The following PTPRD variants were observed in gnomAD, a reference collection of about 807,000 sequenced individuals.
The protein encoded by PTPRD is receptor-type tyrosine-protein phosphatase delta.
In PTPRD, 34 loss-of-function variants were observed where a neutral mutation model predicts 214.5. The ratio of observed to expected loss-of-function variants is 0.16; its 90% CI spans 0.12 to 0.21. The LOEUF is 0.21. PTPRD is among the 10% of genes least tolerant of loss of function. The probability of loss-of-function intolerance (pLI) is 1.00; values close to 1 mark genes in which losing one functional copy is unlikely to be tolerated. For missense variants in PTPRD, 2,545 were observed against 2,398.7 expected (o/e 1.06, Z -1.27); for synonymous variants, 1,128 against 845.7 (o/e 1.33, Z -5.79).
chr9:10,149,723 C>A (rs2099047691), intron 3 of PTPRD, among the ~76,000 whole-genome samples: 1 of 148,814 alleles, frequency 6.7e-6, no homozygotes, highest in Non-Finnish European at 1.5e-5. Flanking sequence ...AATACCTTGT[C>A]TTTTTTTTTC....
chr9:9,624,792 T>C (rs1454740466), intron 7 of PTPRD, among the ~76,000 whole-genome samples: 1 of 150,674 alleles, frequency 6.6e-6, no homozygotes, highest in Non-Finnish European at 1.5e-5. Flanking sequence ...CATGTTTCTT[T>C]AGGTTAAGTT....
intron 9 of PTPRD, among the ~76,000 whole-genome samples, chr9:9,213,516 T>TTTTG (rs77772280): frequency 0.32 from 49,166 of 151,588 alleles, 9,154 homozygotes; most frequent in Middle Eastern, 0.47. Flanking sequence ...TTTCCTGGTT[T>TTTTG]TTTGTTTGTT....
At chr9:9,833,017 A>G (rs1458856397) in intron 5 of PTPRD, among the ~76,000 whole-genome samples, 2 of 151,966 alleles carry the variant, frequency 1.3e-5, no homozygotes, top group African/African-American at 4.8e-5. Flanking sequence ...AAGATGCTTT[A>G]CTGGAGCCAA....
At chr9:10,388,909 T>C (rs565913788) in intron 2 of PTPRD, among the ~76,000 whole-genome samples, 2 of 151,976 alleles carry the variant, frequency 1.3e-5, no homozygotes, top group African/African-American at 2.4e-5. Context: ...GTAAGTATTA[T>C]CCATAGGAAA....
At chr9:9,728,449 C>T (rs1320576198) in intron 7 of PTPRD, among the ~76,000 whole-genome samples, 1 of 152,052 alleles carries the variant, frequency 6.6e-6, no homozygotes, top group Non-Finnish European at 1.5e-5. Flanking sequence ...AACTAATTAG[C>T]TGTTGTAGAA....
In PTPRD at chr9:9,485,217, A is replaced by C. The variant is rs926744196; in HGVS notation, c.-236-87735T>G. Among the ~76,000 whole-genome samples the C allele has an allele frequency of 6.6e-5, 10 of 152,310 alleles. No individual in the cohort carries two copies. The East Asian group carries it at 1.9e-3, about 29-fold the overall frequency. ...TGAAAACAACTATTATGGGTAAAAA[A>C]ATTGAAGCATAATCCACTAATTCTA... On this transcript the variant is annotated intron_variant, in intron 8 of 45. Transcript: ENST00000381196.
intron 9 of PTPRD, among the ~76,000 whole-genome samples, chr9:9,228,953 G>A (rs1220921113): frequency 6.6e-6 from 1 of 152,038 alleles, no homozygotes; most frequent in Non-Finnish European, 1.5e-5. Context: ...TGTTTTTACA[G>A]GGAGAGCACA....
chr9:8,859,455 T>A (rs2098048387), intron 11 of PTPRD, among the ~76,000 whole-genome samples: 1 of 152,168 alleles, frequency 6.6e-6, no homozygotes, highest in Non-Finnish European at 1.5e-5. Context: ...CCATCAAAAT[T>A]TATTAGAAAC....
At chr9:9,318,808 G>A (rs1964824772) in intron 9 of PTPRD, among the ~76,000 whole-genome samples, 1 of 152,102 alleles carries the variant, frequency 6.6e-6, no homozygotes, top group South Asian at 2.1e-4. Context: ...GAAGTTCACA[G>A]TGGAGGTGAG....
intron 3 of PTPRD, among the ~76,000 whole-genome samples, chr9:10,198,413 G>C (rs1332946227): frequency 2.0e-5 from 3 of 152,056 alleles, no homozygotes. Flanking sequence ...TACAACCATT[G>C]GCCAAGTATG....
At position 9,524,481 on chromosome 9, in the gene PTPRD, T is replaced by C. The variant is rs530926688; in HGVS notation, c.-237+50251A>G. ...TTTTCTAATCCGTACGTTCGTGTAC[T>C]CTATCATTTAAACTGTAGAAAAGTC... On this transcript the variant is annotated intron_variant, in intron 8 of 45. Transcript: ENST00000381196. Among the ~76,000 whole-genome samples, 3 of 152,344 alleles carry C rather than the reference T, an allele frequency of 2.0e-5. No individual in the cohort carries two copies. In the South Asian group the frequency reaches 6.2e-4, roughly 32 times the overall value.
At chr9:9,109,241 C>T (rs193061153) in intron 10 of PTPRD, among the ~76,000 whole-genome samples, 12 of 152,208 alleles carry the variant, frequency 7.9e-5, no homozygotes, top group African/African-American at 2.6e-4. Flanking sequence ...CTATCTATAT[C>T]TATGTAGAGA....
chr9:9,889,260 G>A lies in PTPRD; in HGVS notation c.-368+49247C>T, dbSNP rs74782895. Among the ~76,000 whole-genome samples the A allele has an allele frequency of 5.0e-3, 758 of 152,208 alleles. 8 individuals are homozygous for A. Among genetic ancestry groups the A allele is most frequent in the African/African-American group, 0.017 (720 of 41,536 alleles). The stretch of plus-strand genomic sequence containing the variant: ...TTCTTGAAAAATGCTGACAGTGGAC[G>A]TCAAGCATCCTCACCACAAAAATGG... On this transcript the variant is annotated intron_variant, in intron 5 of 45. Coordinates refer to ENST00000381196, the MANE Select transcript of PTPRD (RefSeq NM_002839.4).
chr9:10,146,446 GA>G (rs1308605804), intron 3 of PTPRD, among the ~76,000 whole-genome samples: 1 of 152,016 alleles, frequency 6.6e-6, no homozygotes. Context: ...AATTTCAGAT[GA>G]TGATATTTAC....
chr9:8,745,135 AG>A (rs1371792057), intron 11 of PTPRD, among the ~76,000 whole-genome samples: 1 of 152,224 alleles, frequency 6.6e-6, no homozygotes, highest in African/African-American at 2.4e-5. Flanking sequence ...AAAAATCAGA[AG>A]AAAAAAATAA....
At chr9:9,050,537 G>A (rs1388100827) in intron 10 of PTPRD, among the ~76,000 whole-genome samples, 6 of 152,112 alleles carry the variant, frequency 3.9e-5, no homozygotes, top group African/African-American at 1.4e-4. Context: ...TGTGTTAGCT[G>A]AAGTCACCTG....
intron 11 of PTPRD, among the ~76,000 whole-genome samples, chr9:8,886,923 G>A (rs113901494): frequency 3.9e-5 from 6 of 152,242 alleles, no homozygotes; most frequent in African/African-American, 7.2e-5. Flanking sequence ...GGTAGATACC[G>A]AATAAATATT....
At chr9:10,533,667 C>T (rs1372990721) in intron 2 of PTPRD, among the ~76,000 whole-genome samples, 1 of 151,788 alleles carries the variant, frequency 6.6e-6, no homozygotes, top group African/African-American at 2.4e-5. Flanking sequence ...TACAAACTAA[C>T]ACCTCCATCT....
chr9:8,952,885 A>G (rs2099110583), intron 11 of PTPRD, among the ~76,000 whole-genome samples: 1 of 151,924 alleles, frequency 6.6e-6, no homozygotes, highest in Non-Finnish European at 1.5e-5. Context: ...CATATAAGCA[A>G]TGAAAGCATA....
Sources: allele counts gnomAD v4.1 joint callset (sites outside exome capture counted in the v4.1 genomes callset), GRCh38; gene constraint gnomAD v4.1.1; transcripts MANE v1.5; gene names NCBI Gene and HGNC (gene_info 2026-07-23, HGNC 2026-07-21).